ZNF500: variants seen among roughly 807,000 people sequenced by gnomAD.
The protein encoded by ZNF500 is zinc finger protein 500.
A neutral mutation model predicts 30.1 loss-of-function variants in ZNF500; 31 were observed. That is an observed-to-expected ratio of 1.03 (90% CI 0.77 to 1.39). The LOEUF (loss-of-function observed/expected upper bound fraction) is 1.39, where lower values mean the gene tolerates loss of function less well. Ranked by LOEUF, ZNF500 falls within the 40% of genes most tolerant of loss-of-function variation. ZNF500 has a pLI of 0.00. For missense variants in ZNF500, 817 were observed against 657.8 expected, an observed-to-expected ratio of 1.24 and a Z score of -2.65; for synonymous variants, 392 against 282.0, an observed-to-expected ratio of 1.39 and a Z score of -3.91.
downstream of ZNF500, among the ~76,000 whole-genome samples, chr16:4,744,588 C>T (rs918626682): frequency 6.6e-6 from 1 of 151,582 alleles, no homozygotes; most frequent in Admixed American, 6.6e-5. Context: ...ACAAGTGGGA[C>T]CGGGGTGTGA....
chr16:4,753,649 T>C (rs1430843496), intron 5 of ZNF500, among the ~76,000 whole-genome samples: 2 of 152,230 alleles, frequency 1.3e-5, no homozygotes, highest in Non-Finnish European at 2.9e-5. Flanking sequence ...CTCTGCACTC[T>C]GCTGTATCCT....
intron 5 of ZNF500, among the ~76,000 whole-genome samples, chr16:4,757,919 GAC>G (rs1391000047): frequency 2.3e-5 from 2 of 86,930 alleles, no homozygotes; most frequent in African/African-American, 8.2e-5. Context: ...TTTTTTTTTT[GAC>G]ACAGAGTTTC....
intron 5 of ZNF500, 44 bp from the exon 6 acceptor site, chr16:4,753,102 G>A (rs993748323): frequency 6.7e-7 from 1 of 1,497,266 alleles, no homozygotes; most frequent in Non-Finnish European, 8.8e-7. Context: ...ACAGCAAGAG[G>A]GCAAGGGAAA....
downstream of ZNF500, chr16:4,746,362 T>C (rs1218913646): frequency 6.2e-7 from 1 of 1,607,492 alleles, no homozygotes; most frequent in Non-Finnish European, 8.5e-7. Flanking sequence ...AACACCTGCT[T>C]TTCTCATTTC....
In ZNF500 at chr16:4,750,134, G is replaced by A. The variant is rs1246865853; in HGVS notation, c.*2242C>T. The A allele has an allele frequency of 6.5e-6, 1 of 152,702 alleles. No homozygotes were observed. The highest frequency in any genetic ancestry group is 1.5e-5 in the Non-Finnish European group (1 of 68,466). 9.5% of individuals were successfully genotyped at this position (152,702 alleles called of 1,614,324 possible). A position where few individuals can be genotyped will look rare whatever the true frequency, so the allele number is the denominator to read the frequency against. On this transcript the variant is annotated 3_prime_UTR_variant, in exon 6 of 6. Transcript: ENST00000219478. ...GCCTGGGGGCTCAGGCTGCGCTGGG[G>A]AGATGGGTGTCAGCAACGCTGGGTG...
intron 2 of ZNF500, 83 bp from the exon 3 acceptor site, chr16:4,762,839 A>C: frequency 6.8e-7 from 1 of 1,464,170 alleles, no homozygotes; most frequent in East Asian, 2.4e-5. Context: ...CCCTCATCTC[A>C]GGCACCCCAG....
chr16:4,752,129 A>C lies in ZNF500; in HGVS notation c.*247T>G. On this transcript the variant is annotated 3_prime_UTR_variant, in exon 6 of 6. Coordinates refer to ENST00000219478, the MANE Select transcript of ZNF500 (RefSeq NM_021646.4). The stretch of plus-strand genomic sequence containing the variant: ...CTCCTGAGTGTGTCTCTGTGGCTGA[A>C]GCCCCTGCTCTGTGTCACCTGTTCT... 2 of 1,348,052 alleles carry C rather than the reference A, an allele frequency of 1.5e-6. No individual in the cohort carries two copies. The highest frequency in any genetic ancestry group is 1.9e-6 in the Non-Finnish European group (2 of 1,055,540). The allele number at this position is 1,348,052 out of a possible 1,614,324, so 83.5% of individuals were successfully genotyped here. A position where few individuals can be genotyped will look rare whatever the true frequency, so the allele number is the denominator to read the frequency against.
intron 5 of ZNF500, among the ~76,000 whole-genome samples, chr16:4,755,120 T>C (rs1052109728): frequency 6.6e-6 from 1 of 152,152 alleles, no homozygotes; most frequent in Non-Finnish European, 1.5e-5. Context: ...TTAAACCTTT[T>C]TTCTTTATAA....
chr16:4,752,684 T>C lies in ZNF500; in HGVS notation c.1135A>G (p.Lys379Glu), dbSNP rs1402951247. 11 of 1,614,080 alleles carry C rather than the reference T, an allele frequency of 6.8e-6. No individual in the cohort carries two copies. Among genetic ancestry groups the C allele is most frequent in the Non-Finnish European group, 1.7e-6 (2 of 1,179,996 alleles). The change falls in exon 6 of 6, where the codon AAG (lysine) becomes GAG (glutamate). Residue 379 changes from lysine (K) to glutamate (E), a missense_variant. By Grantham distance (56) the Lys-to-Glu change is moderately conservative. Coordinates refer to ENST00000219478, the MANE Select transcript of ZNF500 (RefSeq NM_021646.4). ...STHQRVHTGE[K>E]PYPCPECGKR... ...CCACACTCGGGGCACGGGTAGGGCT[T>C]CTCGCCTGTGTGCACCCTCTGGTGC...
At chr16:4,766,123 A>G in intron 1 of ZNF500, 47 bp from the exon 2 acceptor site, 1 of 1,019,114 alleles carries the variant, frequency 9.8e-7, no homozygotes, top group South Asian at 2.2e-5. Context: ...CTGGGGCTGG[A>G]TAAGCCCTTT....
chr16:4,748,649 T>G lies in ZNF500; in HGVS notation c.*3727A>C, dbSNP rs2082049116. On this transcript the variant is annotated 3_prime_UTR_variant, in exon 6 of 6. Coordinates refer to ENST00000219478, the MANE Select transcript of ZNF500 (RefSeq NM_021646.4). ...GCCAGCACCGTCTTGCAGCCCCGTC[T>G]TCACGGGATGCTTTTGTAACTGCTG... The G allele has an allele frequency of 1.3e-5, 2 of 152,492 alleles. No homozygotes were observed. The highest frequency in any genetic ancestry group is 1.3e-4 in the Admixed American group (2 of 15,288). 9.4% of individuals were successfully genotyped at this position (152,492 alleles called of 1,614,324 possible). A position where few individuals can be genotyped will look rare whatever the true frequency, so the allele number is the denominator to read the frequency against.
chr16:4,753,325 G>T, intron 5 of ZNF500: 1 of 535,002 alleles, frequency 1.9e-6, no homozygotes, highest in Non-Finnish European at 3.0e-6. Flanking sequence ...AGCTGGGCAT[G>T]GTGGCGTGTG....
chr16:4,758,664 AC>A (rs1286679999), intron 5 of ZNF500: 1 of 152,180 alleles, frequency 6.6e-6, no homozygotes, highest in Non-Finnish European at 1.5e-5. Context: ...GGTCGTGACA[AC>A]CAAAAATGTC....
At chr16:4,746,592 C>A (rs2082020284), downstream of ZNF500, 4 of 1,486,348 alleles carry the variant, frequency 2.7e-6, no homozygotes, top group East Asian at 9.1e-5. Flanking sequence ...TCTGGTGGAT[C>A]CTGATGGGGA....
rs754553006 is a variant in ZNF500 at position 4,762,667 on chromosome 16, C to G, written c.504G>C (p.Leu168=). ...KHQAEAQPED[L]SLEEEARFSS... ...AGAATCGAGCCTCTTCCTCCAGGGA[C>G]AGATCCTCTGGCTGAGCCTCTGCCT... The change falls in exon 3 of 6, where the codon CTG becomes CTC. Residue 168 remains leucine (L), a synonymous_variant. Transcript: ENST00000219478. 2 of 1,614,156 alleles carry G rather than the reference C, an allele frequency of 1.2e-6. No individual in the cohort carries two copies. Among genetic ancestry groups the G allele is most frequent in the Admixed American group, 3.3e-5 (2 of 60,020 alleles).
At chr16:4,762,430 C>G in intron 3 of ZNF500, 95 bp from the exon 4 acceptor site, 1 of 1,520,720 alleles carries the variant, frequency 6.6e-7, no homozygotes, top group Non-Finnish European at 8.9e-7. Flanking sequence ...CCGGCGGCTG[C>G]CCACCCAAGA....
In ZNF500 at chr16:4,752,500, G is replaced by T. The variant is rs554614033; in HGVS notation, c.1319C>A (p.Pro440Gln). The change falls in exon 6 of 6, where the codon CCG becomes CAG. Residue 440 changes from proline to glutamine, a missense_variant. By Grantham distance (76) the Pro-to-Gln change is moderately conservative. Coordinates refer to ENST00000219478, the MANE Select transcript of ZNF500 (RefSeq NM_021646.4). ...THTGEKPYTC[P>Q]ACGRGFRRGT... ...CCGGCGGAAGCCCCGGCCACAGGCC[G>T]GGCAGGTGTAGGGCTTCTCACCTGT... is the stretch of plus-strand genomic sequence containing the variant. 2 of 1,553,454 alleles carry T rather than the reference G, an allele frequency of 1.3e-6. No homozygotes were observed. Among genetic ancestry groups the T allele is most frequent in the East Asian group, 2.4e-5 (1 of 41,588 alleles).
intron 5 of ZNF500, among the ~76,000 whole-genome samples, chr16:4,758,879 A>C (rs1177894642): frequency 6.6e-6 from 1 of 150,848 alleles, no homozygotes; most frequent in Non-Finnish European, 1.5e-5. Flanking sequence ...GACGCTACCA[A>C]CAAAATGAAA....
intron 5 of ZNF500, chr16:4,756,754 G>A (rs2082139112): frequency 6.6e-6 from 1 of 152,114 alleles, no homozygotes; most frequent in Non-Finnish European, 1.5e-5. Flanking sequence ...TTGACCTCGT[G>A]ATCCACCCGC....
Sources: allele counts gnomAD v4.1 joint callset (sites outside exome capture counted in the v4.1 genomes callset), GRCh38; gene constraint gnomAD v4.1.1; transcripts MANE v1.5; gene names NCBI Gene and HGNC (gene_info 2026-07-23, HGNC 2026-07-21).